Variants in CSMD1 observed in about 807,000 individuals in gnomAD.
CSMD1 encodes the protein CUB and Sushi multiple domains 1.
In CSMD1, 213 loss-of-function variants were observed where a neutral mutation model predicts 417.5. That is an observed-to-expected ratio of 0.51 (90% confidence interval 0.46 to 0.57). The LOEUF (loss-of-function observed/expected upper bound fraction) is 0.57, where lower values mean the gene tolerates loss of function less well. Among genes scored for constraint, CSMD1 ranks in the 20% least tolerant of loss-of-function variants. The pLI is 0.00. For synonymous variants in CSMD1, 2,862 were observed against 1,736.8 expected, an observed-to-expected ratio of 1.65 and a Z score of -16.11; for missense variants, 6,923 against 4,529.7, an observed-to-expected ratio of 1.53 and a Z score of -15.17.
At chr8:4,148,666 C>A (rs545855992) in intron 3 of CSMD1, among the ~76,000 whole-genome samples, 2 of 152,062 alleles carry the variant, frequency 1.3e-5, no homozygotes, top group South Asian at 2.1e-4. Context: ...GAGAGAGGAG[C>A]GTGCCCTCGT....
intron 3 of CSMD1, among the ~76,000 whole-genome samples, chr8:4,410,805 G>A (rs986108624): frequency 2.6e-5 from 4 of 152,108 alleles, no homozygotes; most frequent in South Asian, 2.1e-4. Context: ...CCTCTGCAAT[G>A]GTTTGAATAT....
intron 3 of CSMD1, among the ~76,000 whole-genome samples, chr8:4,330,764 T>C (rs1480999666): frequency 6.6e-6 from 1 of 152,086 alleles, no homozygotes; most frequent in African/African-American, 2.4e-5. Context: ...TCCTGCGGCA[T>C]CTCCTCCCTA....
chr8:3,922,396 A>C (rs1262865886), intron 5 of CSMD1, among the ~76,000 whole-genome samples: 1 of 152,090 alleles, frequency 6.6e-6, no homozygotes, highest in African/African-American at 2.4e-5. Flanking sequence ...AATAGGTAAG[A>C]ACTTACTACT....
rs185065893 is a variant in CSMD1 at position 3,787,615 on chromosome 8, T to C, written c.819-33573A>G. ...GTAGTTGCTACAACAGTTAATTCTGTATAAGTATTTTTATTCCAAGGAGAA... is the reference window on the plus strand; with the variant it reads ...GTAGTTGCTACAACAGTTAATTCTGCATAAGTATTTTTATTCCAAGGAGAA... On this transcript the variant is annotated intron_variant, in intron 5 of 69. Coordinates refer to ENST00000635120, the MANE Select transcript of CSMD1 (RefSeq NM_033225.6). Among the ~76,000 whole-genome samples, 3 of 152,242 alleles carry C rather than the reference T, an allele frequency of 2.0e-5. No individual in the cohort carries two copies. The East Asian group carries it at 5.8e-4, about 29-fold the overall frequency.
At chr8:3,455,282 G>T (rs4875709) in intron 12 of CSMD1, among the ~76,000 whole-genome samples, 117,581 of 152,072 alleles carry the variant, frequency 0.77, 45,877 homozygotes, top group African/African-American at 0.89. Context: ...TCGGAGTAGT[G>T]TGATCATCTG....
At chr8:3,993,307 G>C (rs1814903974) in intron 5 of CSMD1, among the ~76,000 whole-genome samples, 1 of 152,192 alleles carries the variant, frequency 6.6e-6, no homozygotes, top group Admixed American at 6.5e-5. Flanking sequence ...GCACGTGAGA[G>C]AAGGATTGAT....
At chr8:3,849,948 G>A (rs1017957574) in intron 5 of CSMD1, among the ~76,000 whole-genome samples, 2 of 144,064 alleles carry the variant, frequency 1.4e-5, no homozygotes, top group Non-Finnish European at 3.0e-5. Flanking sequence ...CCAAGTAGCT[G>A]GGAATTACAG....
intron 4 of CSMD1, among the ~76,000 whole-genome samples, chr8:4,008,669 G>A (rs541612281): frequency 2.9e-5 from 4 of 137,872 alleles, no homozygotes; most frequent in East Asian, 2.1e-4. Context: ...GGAGTGCAGT[G>A]GTGCGATCTC....
intron 10 of CSMD1, among the ~76,000 whole-genome samples, chr8:3,513,863 A>G (rs1797179290): frequency 1.3e-5 from 2 of 152,218 alleles, no homozygotes; most frequent in African/African-American, 4.8e-5. Context: ...ATCCTGGAGT[A>G]TGAAAAAGTA....
Position 4,841,930 on chromosome 8 carries a change from A to AAAAAAAAAAAAAAAAAAAAAAAACAAAAC in CSMD1, c.85+152401_85+152402insGTTTTGTTTTTTTTTTTTTTTTTTTTTTT, listed in dbSNP as rs1192383183. On this transcript the variant is annotated intron_variant, in intron 1 of 69. Coordinates refer to ENST00000635120, the MANE Select transcript of CSMD1 (RefSeq NM_033225.6). ...CCGTCTCAAAAAAAAAAAAAAAAAA[A>AAAAAAAAAAAAAAAAAAAAAAAACAAAAC]AAAAAAAAGTTCAGAACAATGGATA... 3.8e-4 allele frequency among the ~76,000 whole-genome samples: 47 copies of AAAAAAAAAAAAAAAAAAAAAAAACAAAAC among 122,476 alleles called. 4 individuals carry two copies. The highest frequency in any genetic ancestry group is 6.7e-4 in the African/African-American group (20 of 30,026). 80.3% of individuals were successfully genotyped at this position (122,476 alleles called of 152,430 possible).
At chr8:4,800,931 A>G (rs556868111) in intron 1 of CSMD1, among the ~76,000 whole-genome samples, 1 of 152,300 alleles carries the variant, frequency 6.6e-6, no homozygotes, top group Admixed American at 6.5e-5. Context: ...TCGGAAATAA[A>G]TCTCCTGATT....
At chr8:4,880,761 T>G (rs1803344710) in intron 1 of CSMD1, among the ~76,000 whole-genome samples, 1 of 152,126 alleles carries the variant, frequency 6.6e-6, no homozygotes, top group Admixed American at 6.5e-5. Context: ...ATCTTTTGCC[T>G]TCAATATACT....
At chr8:3,816,107 C>T (rs1432457130) in intron 5 of CSMD1, among the ~76,000 whole-genome samples, 2 of 152,180 alleles carry the variant, frequency 1.3e-5, no homozygotes, top group Non-Finnish European at 2.9e-5. Flanking sequence ...CTTTAGGTCT[C>T]TATCTCATTA....
rs1032300126 is a variant in CSMD1, at chr8:3,307,346, T to G, written c.3950+349A>C. Among the ~76,000 whole-genome samples, 3 of 151,952 alleles carry G rather than the reference T, an allele frequency of 2.0e-5. No homozygotes were observed. The South Asian group carries it at 6.2e-4, about 32-fold the overall frequency. On this transcript the variant is annotated intron_variant, in intron 25 of 69. Coordinates refer to ENST00000635120, the MANE Select transcript of CSMD1 (RefSeq NM_033225.6). ...AGGCCCTCACACCTAAGGAAGGTCATCCTGGACTGCTCATCCCCAGGCAGT... is the reference window on the plus strand; with the variant it reads ...AGGCCCTCACACCTAAGGAAGGTCAGCCTGGACTGCTCATCCCCAGGCAGT...
intron 1 of CSMD1, among the ~76,000 whole-genome samples, chr8:4,826,824 C>G (rs1054994716): frequency 6.6e-6 from 1 of 152,110 alleles, no homozygotes; most frequent in African/African-American, 2.4e-5. Flanking sequence ...AATCTTACGA[C>G]TCTATAACAT....
intron 1 of CSMD1, among the ~76,000 whole-genome samples, chr8:4,851,960 A>C (rs903995680): frequency 6.6e-6 from 1 of 152,126 alleles, no homozygotes; most frequent in Non-Finnish European, 1.5e-5. Flanking sequence ...GTAAACCACT[A>C]GTCTAAGTTT....
chr8:4,264,790 G>T (rs1406952465), intron 3 of CSMD1, among the ~76,000 whole-genome samples: 1 of 152,058 alleles, frequency 6.6e-6, no homozygotes, highest in African/African-American at 2.4e-5. Context: ...CCATAAACTT[G>T]GACAAGTTAA....
chr8:3,950,601 A>G (rs1032781411), intron 5 of CSMD1, among the ~76,000 whole-genome samples: 1 of 152,220 alleles, frequency 6.6e-6, no homozygotes, highest in Non-Finnish European at 1.5e-5. Context: ...TGAAACCACC[A>G]TTAAGTCGTG....
chr8:3,514,691 T>G (rs948594810), intron 10 of CSMD1, among the ~76,000 whole-genome samples: 1 of 152,212 alleles, frequency 6.6e-6, no homozygotes, highest in African/African-American at 2.4e-5. Context: ...AGGTATCTTT[T>G]GTTAATATCA....
Sources: allele counts gnomAD v4.1 joint callset (sites outside exome capture counted in the v4.1 genomes callset), GRCh38; gene constraint gnomAD v4.1.1; transcripts MANE v1.5; gene names NCBI Gene and HGNC (gene_info 2026-07-23, HGNC 2026-07-21).